The following DAAM1 variants were observed in gnomAD, a reference collection of about 807,000 sequenced individuals.
DAAM1 encodes dishevelled associated activator of morphogenesis 1.
Under a neutral mutation model 130.0 loss-of-function variants are expected in DAAM1, and 52 were observed. The observed-to-expected ratio is 0.40, with a 90% CI of 0.32 to 0.50. DAAM1 has a LOEUF of 0.50. DAAM1 is among the 20% of genes least tolerant of loss of function. The probability of loss-of-function intolerance (pLI) is 0.61; values close to 1 mark genes in which losing one functional copy is unlikely to be tolerated. For synonymous variants in DAAM1, 452 were observed against 444.5 expected (o/e 1.02, Z -0.21); for missense variants, 1,134 against 1,303.8 (o/e 0.87, Z 2.01).
intron 2 of DAAM1, among the ~76,000 whole-genome samples, chr14:59,289,784 A>ATATATATATATATATACACATATATAT: frequency 7.8e-6 from 1 of 128,708 alleles, no homozygotes; most frequent in African/African-American, 2.9e-5. Flanking sequence ...ATATATATAT[A>ATATATATATATATATACACATATATAT]ATGGAATGCT....
chr14:59,327,785 C>T (rs759480150), intron 12 of DAAM1, among the ~76,000 whole-genome samples: 13 of 152,304 alleles, frequency 8.5e-5, no homozygotes, highest in Middle Eastern at 3.4e-3. Flanking sequence ...TTCAGAAAAT[C>T]AGTGACCATT....
intron 2 of DAAM1, among the ~76,000 whole-genome samples, chr14:59,273,128 A>G (rs1443468096): frequency 1.3e-5 from 2 of 152,220 alleles, no homozygotes; most frequent in Non-Finnish European, 2.9e-5. Flanking sequence ...GATGGTCAAA[A>G]TGATTTCTTA....
chr14:59,249,421 C>A (rs1028251583), intron 1 of DAAM1, among the ~76,000 whole-genome samples: 1 of 152,168 alleles, frequency 6.6e-6, no homozygotes, highest in Non-Finnish European at 1.5e-5. Flanking sequence ...ACAGATACCA[C>A]GAAACTGCTA....
At chr14:59,211,579 T>G (rs545638318) in intron 1 of DAAM1, among the ~76,000 whole-genome samples, 1 of 152,382 alleles carries the variant, frequency 6.6e-6, no homozygotes, top group Admixed American at 6.5e-5. Context: ...AGTTGATTTG[T>G]TAATTTCTTG....
intron 1 of DAAM1, among the ~76,000 whole-genome samples, chr14:59,197,105 A>G (rs1161167367): frequency 2.0e-5 from 3 of 152,140 alleles, no homozygotes; most frequent in African/African-American, 7.2e-5. Flanking sequence ...TATTTTTAGT[A>G]GAGACGGGGT....
rs1887140730 is a variant in DAAM1 at position 59,370,846 on chromosome 14, T to A, written c.*1987T>A. The A allele has an allele frequency of 6.6e-6, 1 of 152,178 alleles. No homozygotes were observed. The highest frequency in any genetic ancestry group is 2.1e-4 in the South Asian group (1 of 4,828). 9.4% of individuals were successfully genotyped at this position (152,178 alleles called of 1,614,324 possible). On this transcript the variant is annotated 3_prime_UTR_variant, in exon 25 of 25. Coordinates refer to ENST00000360909, the MANE Select transcript of DAAM1 (RefSeq NM_001270520.2). ...CTCTATGTATATTCTTTTCTATTTG[T>A]AGCAGGATAAATTTGGTCTGGCTCA...
In DAAM1 at chr14:59,318,209, G is replaced by C. The variant is rs559156798; in HGVS notation, c.346-2281G>C. 2.6e-5 allele frequency among the ~76,000 whole-genome samples: 4 copies of C among 152,148 alleles called. No individual in the cohort carries two copies. The East Asian group carries it at 7.7e-4, about 29-fold the overall frequency. On this transcript the variant is annotated intron_variant, in intron 4 of 24. Coordinates refer to ENST00000360909, the MANE Select transcript of DAAM1 (RefSeq NM_001270520.2). ...CCATGCTTTCTCAAGGAGGAAGACT[G>C]TGAGGTGAAGTTCAGTATGCTTAGT...
At chr14:59,300,097 T>C (rs1439549942) in intron 3 of DAAM1, 3 of 152,238 alleles carry the variant, frequency 2.0e-5, no homozygotes, top group African/African-American at 4.8e-5. Context: ...TTGATGAATA[T>C]CTTAAGTTTT....
rs762534916 is a variant in DAAM1, at chr14:59,195,896, T to A, written c.-38+7128T>A. Among the ~76,000 whole-genome samples the A allele has an allele frequency of 2.5e-3, 366 of 148,750 alleles. 1 individual carries two copies. Among genetic ancestry groups the A allele is most frequent in the Non-Finnish European group, 3.2e-3 (214 of 67,174 alleles). ...ATTTTTTCTGTATCTTTTTTTTTTT[T>A]AAATTAATCATGCTTTTGGGGACTA... is the stretch of plus-strand genomic sequence containing the variant. On this transcript the variant is annotated intron_variant, in intron 1 of 24. Coordinates refer to ENST00000360909, the MANE Select transcript of DAAM1 (RefSeq NM_001270520.2).
intron 2 of DAAM1, among the ~76,000 whole-genome samples, chr14:59,266,351 C>T (rs961203672): frequency 6.6e-6 from 1 of 152,176 alleles, no homozygotes; most frequent in South Asian, 2.1e-4. Context: ...ACCCTCAAAG[C>T]ATTCCACATC....
intron 17 of DAAM1, 42 bp downstream of exon 17, chr14:59,347,665 C>A: frequency 6.3e-7 from 1 of 1,579,992 alleles, no homozygotes; most frequent in Non-Finnish European, 8.7e-7. Flanking sequence ...TGAAAAGCGA[C>A]CATCAACAGG....
At chr14:59,237,941 C>A (rs1402994841) in intron 1 of DAAM1, among the ~76,000 whole-genome samples, 1 of 152,134 alleles carries the variant, frequency 6.6e-6, no homozygotes, top group Non-Finnish European at 1.5e-5. Flanking sequence ...TTTTGAAGAG[C>A]AGGATATTTG....
At chr14:59,281,373 G>A (rs534220114) in intron 2 of DAAM1, among the ~76,000 whole-genome samples, 19 of 152,190 alleles carry the variant, frequency 1.2e-4, no homozygotes, top group East Asian at 1.9e-4. Flanking sequence ...GTGAAGTGGC[G>A]TATTTAAAGG....
chr14:59,202,163 A>G (rs909494378), intron 1 of DAAM1, among the ~76,000 whole-genome samples: 1 of 152,218 alleles, frequency 6.6e-6, no homozygotes, highest in African/African-American at 2.4e-5. Flanking sequence ...TAATCTAGAA[A>G]GGATCTAGGT....
intron 12 of DAAM1, among the ~76,000 whole-genome samples, chr14:59,330,118 G>T (rs977759271): frequency 6.6e-6 from 1 of 152,216 alleles, no homozygotes; most frequent in Non-Finnish European, 1.5e-5. Flanking sequence ...TTTGTGAAAA[G>T]AGGCCATTTG....
At chr14:59,348,809 G>C (rs1042936041) in intron 17 of DAAM1, among the ~76,000 whole-genome samples, 2 of 152,254 alleles carry the variant, frequency 1.3e-5, no homozygotes. Flanking sequence ...ATGCAGGGAG[G>C]AATGATGTTT....
chr14:59,320,376 A>G, intron 4 of DAAM1, 114 bp from the exon 5 acceptor site: 1 of 804,026 alleles, frequency 1.2e-6, no homozygotes, highest in Non-Finnish European at 1.9e-6. Context: ...ACTTAATCAT[A>G]GATTTGTTGT....
intron 1 of DAAM1, among the ~76,000 whole-genome samples, chr14:59,253,661 T>A (rs891859807): frequency 2.0e-5 from 3 of 152,190 alleles, no homozygotes; most frequent in Non-Finnish European, 4.4e-5. Flanking sequence ...ATTATACCTC[T>A]TTGGCAATAA....
intron 1 of DAAM1, among the ~76,000 whole-genome samples, chr14:59,249,153 A>G (rs1430946524): frequency 2.0e-5 from 3 of 152,172 alleles, no homozygotes. Context: ...TGGAAATGAC[A>G]TCATTACCCA....
Sources: allele counts gnomAD v4.1 joint callset (sites outside exome capture counted in the v4.1 genomes callset), GRCh38; gene constraint gnomAD v4.1.1; transcripts MANE v1.5; gene names NCBI Gene and HGNC (gene_info 2026-07-23, HGNC 2026-07-21).